Variants in TBC1D4 observed in about 807,000 individuals in gnomAD.
TBC1D4 encodes TBC1 domain family member 4.
Under a neutral mutation model 142.5 loss-of-function variants are expected in TBC1D4, and 121 were observed. The ratio of observed to expected loss-of-function variants is 0.85; its 90% CI spans 0.73 to 0.99. The LOEUF (loss-of-function observed/expected upper bound fraction) is 0.99, where lower values mean the gene tolerates loss of function less well. Ranked by LOEUF, TBC1D4 falls within the 50% of genes least tolerant of loss-of-function variation. The pLI is 0.00. For missense variants in TBC1D4, 1,475 were observed against 1,606.6 expected (o/e 0.92, Z 1.40); for synonymous variants, 630 against 628.2 (o/e 1.00, Z -0.04).
intron 1 of TBC1D4, among the ~76,000 whole-genome samples, chr13:75,466,977 C>A (rs1252866008): frequency 1.3e-5 from 2 of 152,006 alleles, no homozygotes; most frequent in Non-Finnish European, 2.9e-5. Context: ...CTGCCAATAT[C>A]TAGAATCAAT....
chr13:75,414,092 A>G (rs555806763), intron 1 of TBC1D4, among the ~76,000 whole-genome samples: 8 of 152,310 alleles, frequency 5.3e-5, no homozygotes, highest in African/African-American at 1.7e-4. Context: ...CCTTTATGGC[A>G]CTGCAATACT....
intron 1 of TBC1D4, 63 bp downstream of exon 1, chr13:75,481,207 C>A: frequency 1.4e-6 from 2 of 1,436,028 alleles, no homozygotes; most frequent in Non-Finnish European, 1.9e-6. Context: ...CCCGCCCCTC[C>A]CGCCCTGCTC....
intron 1 of TBC1D4, among the ~76,000 whole-genome samples, chr13:75,442,013 A>C (rs1164543558): frequency 4.6e-5 from 7 of 152,254 alleles, no homozygotes; most frequent in Non-Finnish European, 1.0e-4. Context: ...AATTAAAATG[A>C]GTAGTCATAA....
intron 8 of TBC1D4, among the ~76,000 whole-genome samples, chr13:75,330,821 ACT>A (rs1225779243): frequency 6.6e-6 from 1 of 152,158 alleles, no homozygotes; most frequent in Non-Finnish European, 1.5e-5. Flanking sequence ...AATAACAAAA[ACT>A]CTATTTGTGG....
intron 1 of TBC1D4, among the ~76,000 whole-genome samples, chr13:75,422,710 C>T (rs995192021): frequency 2.6e-5 from 4 of 152,026 alleles, no homozygotes; most frequent in African/African-American, 9.7e-5. Flanking sequence ...AAGATAATAT[C>T]AATGAAACCT....
Position 75,286,940 on chromosome 13 carries a change from G to A in TBC1D4, c.3749C>T (p.Thr1250Ile). 1 of 1,613,842 alleles carries A rather than the reference G, an allele frequency of 6.2e-7. No homozygotes were observed. The highest frequency in any genetic ancestry group is 8.5e-7 in the Non-Finnish European group (1 of 1,179,958). Reference sequence around the variant, plus strand: ...ATAAGCCATTTTTTCTTGTTCCAGGGTCCGGATTAAAGACTTCATTTTGGT... The same window carrying A: ...ATAAGCCATTTTTTCTTGTTCCAGGATCCGGATTAAAGACTTCATTTTGGT... Reference protein sequence around the residue: ...RETKMKSLIRTLEQEKMAYQK... With the variant: ...RETKMKSLIRILEQEKMAYQK... The change falls in exon 21 of 21, where the codon ACC becomes ATC. Residue 1250 changes from threonine (T) to isoleucine (I), a missense_variant. Around this residue, in one of 2 missense-constraint regions of TBC1D4, gnomAD observed 248 missense variants for 338.9 expected, o/e 0.73. Coordinates refer to ENST00000377636, the MANE Select transcript of TBC1D4 (RefSeq NM_014832.5).
rs61737963 is a variant in TBC1D4, at chr13:75,286,927, T to A, written c.3762A>T (p.Glu1254Asp). Residue 1254 changes from glutamate to aspartate, a missense_variant, in exon 21 of 21, where the codon GAA becomes GAT. Around this residue, in one of 2 missense-constraint regions of TBC1D4, gnomAD observed 248 missense variants for 338.9 expected, o/e 0.73. Transcript: ENST00000377636. ...MKSLIRTLEQ[E>D]KMAYQKTVEQ... ...CCACTGTCTTTTGATAAGCCATTTTTTCTTGTTCCAGGGTCCGGATTAAAG... is the reference window on the plus strand; with the variant it reads ...CCACTGTCTTTTGATAAGCCATTTTATCTTGTTCCAGGGTCCGGATTAAAG... The A allele has an allele frequency of 1.4e-4, 232 of 1,614,038 alleles. No individual in the cohort carries two copies. In the African/African-American group the frequency reaches 2.6e-3, roughly 18 times the overall value.
Position 75,356,168 on chromosome 13 carries a change from G to C in TBC1D4, c.1254C>G (p.Phe418Leu). The C allele has an allele frequency of 6.2e-7, 1 of 1,613,526 alleles. No individual in the cohort carries two copies. The highest frequency in any genetic ancestry group is 8.5e-7 in the Non-Finnish European group (1 of 1,179,684). Residue 418 changes from phenylalanine to leucine, a missense_variant, in exon 4 of 21, where the codon TTC becomes TTG. By Grantham distance (22) the Phe-to-Leu change is conservative. Coordinates refer to ENST00000377636, the MANE Select transcript of TBC1D4 (RefSeq NM_014832.5). ...TTACCAGAGATTCGCTGGCACACTG[G>C]AATACATAACAAATATACTGGCTAA... ...PGLSQYICYV[F>L]QCASESLVDE... is the part of the protein sequence containing the mutation.
At chr13:75,323,823 G>A (rs1358673178) in intron 11 of TBC1D4, among the ~76,000 whole-genome samples, 2 of 152,058 alleles carry the variant, frequency 1.3e-5, no homozygotes, top group African/African-American at 4.8e-5. Context: ...GTATCTATCA[G>A]TTTAGTACAG....
intron 1 of TBC1D4, among the ~76,000 whole-genome samples, chr13:75,417,499 A>G (rs78481030): frequency 6.8e-6 from 1 of 147,882 alleles, no homozygotes; most frequent in African/African-American, 2.6e-5. Context: ...CATAAAAATG[A>G]AAAAAAAATT....
At chr13:75,402,124 G>A (rs186398089) in intron 1 of TBC1D4, among the ~76,000 whole-genome samples, 2 of 152,290 alleles carry the variant, frequency 1.3e-5, no homozygotes, top group Admixed American at 1.3e-4. Context: ...GATGAACATG[G>A]CACAGATTCT....
At chr13:75,397,904 T>G (rs1229780635) in intron 1 of TBC1D4, among the ~76,000 whole-genome samples, 1 of 152,224 alleles carries the variant, frequency 6.6e-6, no homozygotes, top group Non-Finnish European at 1.5e-5. Context: ...AATGAACATT[T>G]TGAGCTCTTC....
At chr13:75,452,402 T>C (rs573165608) in intron 1 of TBC1D4, among the ~76,000 whole-genome samples, 19 of 152,322 alleles carry the variant, frequency 1.2e-4, no homozygotes, top group Non-Finnish European at 2.6e-4. Flanking sequence ...TATGAGCGTA[T>C]ATATAAAACT....
At chr13:75,433,569 T>C (rs1886674668) in intron 1 of TBC1D4, among the ~76,000 whole-genome samples, 1 of 152,216 alleles carries the variant, frequency 6.6e-6, no homozygotes, top group African/African-American at 2.4e-5. Context: ...ACCCATTATA[T>C]AATTACCTGC....
chr13:75,379,885 C>CT (rs1883718060), intron 1 of TBC1D4, among the ~76,000 whole-genome samples: 1 of 98,536 alleles, frequency 1.0e-5, no homozygotes, highest in African/African-American at 3.6e-5. Context: ...GTTCATCTGA[C>CT]TCTTTTTTTT....
Position 75,302,387 on chromosome 13 carries a change from G to A in TBC1D4, c.2767C>T (p.Arg923Ter), listed in dbSNP as rs1305276262. 22 of 1,614,052 alleles carry A rather than the reference G, an allele frequency of 1.4e-5. No individual in the cohort carries two copies. The highest frequency in any genetic ancestry group is 2.2e-5 in the South Asian group (2 of 91,080). The change falls in exon 16 of 21, where the codon CGA (arginine) becomes TGA (stop). Residue 923 changes from arginine (R) to a stop codon, truncating the protein, a stop_gained. Coordinates refer to ENST00000377636, the MANE Select transcript of TBC1D4 (RefSeq NM_014832.5). LOFTEE classifies it high-confidence loss of function. ...TLLKEGVPKS[R>*]RGEIWQFLAL... ...AGAAACTGCCAAATTTCTCCTCGTC[G>A]ACTTTTGGGAACTCCTACAATGAAG... is the stretch of plus-strand genomic sequence containing the variant.
Position 75,336,931 on chromosome 13 carries a change from A to G in TBC1D4, c.1721T>C (p.Ile574Thr). ...KRSLTSSLEN[I>T]FSRGANRMRG... ...TTGGTGCAATCTTACCCTTGAGAAG[A>G]TATTTTCCAGGGAGCTAGTTAAGGA... Residue 574 changes from isoleucine (I) to threonine (T), a missense_variant, in exon 8 of 21, where the codon ATC becomes ACC. This residue lies in a region of TBC1D4 where 1,227 missense variants were observed against 1,267.7 expected (regional missense o/e 0.97). Transcript: ENST00000377636. 6.2e-7 allele frequency: 1 copy of G among 1,613,660 alleles called. No homozygotes were observed. Among genetic ancestry groups the G allele is most frequent in the East Asian group, 2.2e-5 (1 of 44,756 alleles).
chr13:75,475,182 A>G (rs1159943139), intron 1 of TBC1D4, among the ~76,000 whole-genome samples: 1 of 152,260 alleles, frequency 6.6e-6, no homozygotes, highest in Non-Finnish European at 1.5e-5. Context: ...CCAACCTTAA[A>G]GTAACAAGCC....
chr13:75,391,139 CCT>C (rs1281790943), intron 1 of TBC1D4, among the ~76,000 whole-genome samples: 5 of 144,276 alleles, frequency 3.5e-5, no homozygotes, highest in Admixed American at 7.0e-5. Context: ...GCAGTTCTCC[CCT>C]CTCTCTTCTA....
Sources: gnomAD v4.1 joint callset for allele counts (sites outside exome capture counted in the v4.1 genomes callset) on GRCh38, gnomAD v4.1.1 for gene constraint, gnomAD v4.1.1 regional missense constraint, MANE v1.5 for transcripts, NCBI Gene and HGNC (gene_info 2026-07-23, HGNC 2026-07-21) for gene names.